The following TPD52L2 variants were observed in gnomAD, a reference collection of about 807,000 sequenced individuals.
The protein encoded by TPD52L2 is TPD52 like 2.
A neutral mutation model predicts 24.7 loss-of-function variants in TPD52L2; 19 were observed. That is an observed-to-expected ratio of 0.77 (90% CI 0.54 to 1.13). The LOEUF (loss-of-function observed/expected upper bound fraction) is 1.13. TPD52L2 is among the 50% of genes most tolerant of loss of function. TPD52L2 has a pLI of 0.00. For missense variants in TPD52L2, 236 were observed against 250.4 expected, an observed-to-expected ratio of 0.94 and a Z score of 0.39; for synonymous variants, 104 against 100.2, an observed-to-expected ratio of 1.04 and a Z score of -0.23.
chr20:63,866,750 C>A (rs6011195), intron 1 of TPD52L2, among the ~76,000 whole-genome samples: 1 of 142,770 alleles, frequency 7.0e-6, no homozygotes, highest in Non-Finnish European at 1.5e-5. Flanking sequence ...TGAGCCACCG[C>A]GCCTGGCCTT....
intron 5 of TPD52L2, 43 bp from the exon 6 acceptor site, chr20:63,889,147 C>T: frequency 6.3e-7 from 1 of 1,578,116 alleles, no homozygotes; most frequent in Non-Finnish European, 8.7e-7. Flanking sequence ...AGCAGCACAA[C>T]CCTCTCCTCT....
intron 5 of TPD52L2, among the ~76,000 whole-genome samples, chr20:63,883,439 T>C (rs899182352): frequency 1.3e-5 from 2 of 152,164 alleles, no homozygotes; most frequent in African/African-American, 4.8e-5. Context: ...GATGAGGGGA[T>C]TGAGCCAGAA....
intron 2 of TPD52L2, among the ~76,000 whole-genome samples, chr20:63,871,638 G>GTT (rs71333723): frequency 1.1e-4 from 15 of 132,980 alleles, no homozygotes; most frequent in South Asian, 5.0e-4. Flanking sequence ...GCAAGAAAGA[G>GTT]TTTTTTTTTT....
intron 2 of TPD52L2, among the ~76,000 whole-genome samples, chr20:63,869,901 G>A (rs745697259): frequency 1.1e-4 from 17 of 152,218 alleles, no homozygotes; most frequent in Non-Finnish European, 2.4e-4. Context: ...AGGGTGGTAA[G>A]GTGGGAAGAT....
At chr20:63,873,543 T>C in intron 2 of TPD52L2, 125 bp from the exon 3 acceptor site, 1 of 1,103,506 alleles carries the variant, frequency 9.1e-7, no homozygotes, top group South Asian at 1.6e-5. Context: ...GATGCTGTTA[T>C]TCCTAGGACG....
chr20:63,865,466 C>T (rs1259616052), intron 1 of TPD52L2, 82 bp downstream of exon 1: 6 of 1,460,060 alleles, frequency 4.1e-6, no homozygotes, highest in Non-Finnish European at 5.4e-6. Context: ...GCGTCTGCGA[C>T]TCTCTGTCCT....
intron 1 of TPD52L2, among the ~76,000 whole-genome samples, chr20:63,866,090 TTC>T (rs928953638): frequency 6.6e-6 from 1 of 150,738 alleles, no homozygotes; most frequent in Non-Finnish European, 1.5e-5. Flanking sequence ...GATGCTAAAT[TTC>T]TTTCTTTCTT....
In TPD52L2 at chr20:63,889,186, A is replaced by G; in HGVS notation, c.477-4A>G. 1.2e-6 allele frequency: 2 copies of G among 1,613,204 alleles called. No homozygotes were observed. Among genetic ancestry groups the G allele is most frequent in the South Asian group, 2.2e-5 (2 of 90,798 alleles). ...CACCGACACTCTTCCCTCTCTCTTT[A>G]AAGGAACTCTGCGACCTTCAAGTCG... On this transcript the variant is annotated splice_polypyrimidine_tract_variant and splice_region_variant and intron_variant, in intron 5 of 6. Transcript: ENST00000346249.
chr20:63,882,383 C>T (rs4809378), intron 4 of TPD52L2, among the ~76,000 whole-genome samples: 5,971 of 152,342 alleles, frequency 0.039, 298 homozygotes, highest in East Asian at 0.2. Flanking sequence ...TGTGAGAAGA[C>T]AGGAAAGCGA....
At chr20:63,886,423 C>T (rs375303805) in intron 5 of TPD52L2, among the ~76,000 whole-genome samples, 119 of 151,598 alleles carry the variant, frequency 7.8e-4, no homozygotes, top group Admixed American at 1.6e-3. Flanking sequence ...TGCCGTGGCG[C>T]GATCTCGGCT....
intron 2 of TPD52L2, among the ~76,000 whole-genome samples, chr20:63,873,404 A>G (rs2052540254): frequency 6.6e-6 from 1 of 151,398 alleles, no homozygotes; most frequent in African/African-American, 2.4e-5. Context: ...CAGGAGAATC[A>G]CTTGAATCTG....
At chr20:63,885,894 C>T (rs1336292288) in intron 5 of TPD52L2, 4 of 998,462 alleles carry the variant, frequency 4.0e-6, no homozygotes, top group African/African-American at 1.6e-5. Context: ...TCTTCCCCTG[C>T]TGGGCCTGAC....
At chr20:63,883,458 A>G (rs1285297455) in intron 5 of TPD52L2, among the ~76,000 whole-genome samples, 1 of 152,164 alleles carries the variant, frequency 6.6e-6, no homozygotes, top group Non-Finnish European at 1.5e-5. Context: ...AAGCCTGGGT[A>G]TGATGCTTGG....
intron 1 of TPD52L2, among the ~76,000 whole-genome samples, chr20:63,865,741 C>T (rs1209204737): frequency 7.1e-6 from 1 of 140,342 alleles, no homozygotes; most frequent in African/African-American, 2.5e-5. Context: ...CTTGCTCTGC[C>T]ACCCCCCGGT....
At chr20:63,878,090 C>G (rs575254632) in intron 4 of TPD52L2, among the ~76,000 whole-genome samples, 175 of 152,368 alleles carry the variant, frequency 1.1e-3, no homozygotes, top group South Asian at 6.0e-3. Context: ...TAGTCAGCTT[C>G]AGGAGATGGG....
chr20:63,886,488 A>T (rs1181369872), intron 5 of TPD52L2, among the ~76,000 whole-genome samples: 3 of 151,126 alleles, frequency 2.0e-5, no homozygotes, highest in Non-Finnish European at 2.9e-5. Flanking sequence ...AGCCTCTCCG[A>T]GTAGCTGGGA....
chr20:63,880,665 C>G (rs373160568), intron 4 of TPD52L2, among the ~76,000 whole-genome samples: 1 of 151,216 alleles, frequency 6.6e-6, no homozygotes, highest in Admixed American at 6.6e-5. Context: ...CTGAGGCAGG[C>G]GGATCACGAG....
intron 4 of TPD52L2, among the ~76,000 whole-genome samples, chr20:63,879,293 C>G (rs2052806728): frequency 6.6e-6 from 1 of 152,182 alleles, no homozygotes; most frequent in Non-Finnish European, 1.5e-5. Flanking sequence ...TGTGGGGCCC[C>G]CAGGGGCTTG....
At chr20:63,883,229 C>T (rs566938631) in intron 5 of TPD52L2, among the ~76,000 whole-genome samples, 3 of 152,276 alleles carry the variant, frequency 2.0e-5, no homozygotes, top group South Asian at 4.1e-4. Flanking sequence ...CAGGCTGTTT[C>T]CCAGGTCTCA....
Sources: gnomAD v4.1 joint callset for allele counts (sites outside exome capture counted in the v4.1 genomes callset) on GRCh38, gnomAD v4.1.1 for gene constraint, MANE v1.5 for transcripts, NCBI Gene and HGNC (gene_info 2026-07-23, HGNC 2026-07-21) for gene names.